USP15: variants seen among roughly 807,000 people sequenced by gnomAD.
USP15 encodes ubiquitin specific peptidase 15, also known as ubiquitin carboxyl-terminal hydrolase 15.
USP15 carries 18 observed loss-of-function variants against 127.1 expected under a neutral mutation model. The ratio of observed to expected loss-of-function variants is 0.14; its 90% CI spans 0.10 to 0.21. The LOEUF (loss-of-function observed/expected upper bound fraction) is 0.21. Among genes scored for constraint, USP15 ranks in the 10% least tolerant of loss-of-function variants. The pLI is 1.00. For synonymous variants in USP15, 364 were observed against 393.7 expected (o/e 0.92, Z 0.89); for missense variants, 805 against 1,159.9 (o/e 0.69, Z 4.44).
At chr12:62,399,511 C>T (rs1202637028) in intron 20 of USP15, among the ~76,000 whole-genome samples, 1 of 152,132 alleles carries the variant, frequency 6.6e-6, no homozygotes, top group African/African-American at 2.4e-5. Context: ...GAAATTTAAA[C>T]GCTTTCTTCT....
rs2137721861 is a variant in USP15 at position 62,413,744 on chromosome 12, A to G, written c.*9369A>G. The stretch of plus-strand genomic sequence containing the variant: ...AAAAAAAAAAACTCAGGCTTTCTCT[A>G]TACCACTTTTCTTATGATTCATGTG... On this transcript the variant is annotated 3_prime_UTR_variant, in exon 22 of 22. Transcript: ENST00000280377. The G allele has an allele frequency of 6.6e-6, 1 of 151,978 alleles. No homozygotes were observed. Among genetic ancestry groups the G allele is most frequent in the East Asian group, 1.9e-4 (1 of 5,170 alleles). The allele number at this position is 151,978 out of a possible 1,614,324, so 9.4% of individuals were successfully genotyped here. A position where few individuals can be genotyped will look rare whatever the true frequency, so the allele number is the denominator to read the frequency against.
chr12:62,360,980 A>G (rs1191919068), intron 8 of USP15, among the ~76,000 whole-genome samples: 1 of 152,094 alleles, frequency 6.6e-6, no homozygotes, highest in Non-Finnish European at 1.5e-5. Flanking sequence ...AAAAATGTAA[A>G]CAACCTTACT....
At chr12:62,275,977 TGA>T (rs143574272) in intron 1 of USP15, among the ~76,000 whole-genome samples, 14,303 of 152,136 alleles carry the variant, frequency 0.094, 821 homozygotes, top group Non-Finnish European at 0.14. Flanking sequence ...TTGAAGGACT[TGA>T]GAGATTGAAA....
Position 62,389,653 on chromosome 12 carries a change from A to T in USP15, c.1606A>T (p.Met536Leu), listed in dbSNP as rs759746285. 2.5e-6 allele frequency: 4 copies of T among 1,613,358 alleles called. No homozygotes were observed. In the African/African-American group the frequency reaches 4.0e-5, roughly 16 times the overall value. Residue 536 changes from methionine to leucine, a missense_variant, in exon 13 of 22, where the codon ATG (methionine) becomes TTG (leucine). Physicochemically the swap from Met to Leu is conservative, Grantham distance 15. Transcript: ENST00000280377. ...YNHRFHRIFA[M>L]DENLSSIMER... ...TCATAGATTTCACAGAATATTCGCT[A>T]TGGATGAAAACCTTAGTAGTATTAT...
At chr12:62,304,780 A>G in intron 3 of USP15, 1 of 435,526 alleles carries the variant, frequency 2.3e-6, no homozygotes, top group Non-Finnish European at 4.6e-6. Context: ...ACCCATAAGA[A>G]ACCCAGGTAA....
At chr12:62,275,397 C>T (rs11174409) in intron 1 of USP15, among the ~76,000 whole-genome samples, 33,791 of 150,450 alleles carry the variant, frequency 0.22, 4,117 homozygotes, top group African/African-American at 0.34. Flanking sequence ...TATCACCCCC[C>T]CACCCAAAAA....
chr12:62,286,678 C>T (rs1022247701), intron 1 of USP15, among the ~76,000 whole-genome samples: 2 of 152,124 alleles, frequency 1.3e-5, no homozygotes, highest in African/African-American at 4.8e-5. Context: ...TGGCTCATGC[C>T]TGTAATCCCA....
At chr12:62,378,537 G>T (rs2066901098) in intron 8 of USP15, among the ~76,000 whole-genome samples, 1 of 152,094 alleles carries the variant, frequency 6.6e-6, no homozygotes, top group African/African-American at 2.4e-5. Context: ...AAAATGATTT[G>T]TGTTTTGTTG....
At chr12:62,367,519 C>G (rs985112387) in intron 8 of USP15, among the ~76,000 whole-genome samples, 1 of 152,246 alleles carries the variant, frequency 6.6e-6, no homozygotes, top group Admixed American at 6.5e-5. Context: ...TGGGCCTATT[C>G]AGGGATTTGA....
chr12:62,394,038 C>T (rs746969332), intron 19 of USP15, among the ~76,000 whole-genome samples: 1 of 152,176 alleles, frequency 6.6e-6, no homozygotes, highest in Non-Finnish European at 1.5e-5. Flanking sequence ...ATATCTATGG[C>T]CATACCACCT....
At position 62,414,432 on chromosome 12, in the gene USP15, C is replaced by G. The variant is rs2068108314; in HGVS notation, c.*10057C>G. 6.6e-6 allele frequency: 1 copy of G among 152,392 alleles called. No homozygotes were observed. Among genetic ancestry groups the G allele is most frequent in the South Asian group, 2.1e-4 (1 of 4,832 alleles). The allele number at this position is 152,392 out of a possible 1,614,324, so 9.4% of individuals were successfully genotyped here. ...CTCATCTCACTGCAGCCTCCAGCCT[C>G]TGGGCTCAAGTGGTCCTCCCACCTC... On this transcript the variant is annotated 3_prime_UTR_variant, in exon 22 of 22. Coordinates refer to ENST00000280377, the MANE Select transcript of USP15 (RefSeq NM_001252078.2).
chr12:62,262,193 C>T (rs1002383953), intron 1 of USP15, among the ~76,000 whole-genome samples: 3 of 151,880 alleles, frequency 2.0e-5, no homozygotes, highest in East Asian at 3.9e-4. Flanking sequence ...AGCCGAGATC[C>T]GGCCACTGCA....
At chr12:62,392,953 G>T in intron 18 of USP15, 100 bp from the exon 19 acceptor site, 1 of 1,365,386 alleles carries the variant, frequency 7.3e-7, no homozygotes, top group Non-Finnish European at 1.0e-6. Context: ...ATTGCCCACT[G>T]AATAAATGTA....
At chr12:62,349,100 C>A in intron 6 of USP15, 121 bp from the exon 7 acceptor site, 1 of 532,222 alleles carries the variant, frequency 1.9e-6, no homozygotes, top group African/African-American at 2.0e-5. Context: ...AGTGATTTTG[C>A]TCATAAATCT....
intron 1 of USP15, among the ~76,000 whole-genome samples, chr12:62,267,427 A>G (rs975582550): frequency 1.3e-5 from 2 of 152,168 alleles, no homozygotes; most frequent in Admixed American, 1.3e-4. Context: ...CAATTATAAT[A>G]TAAAACAGAA....
rs115811405 is a variant in USP15, at chr12:62,410,224, C to G, written c.*5849C>G. On this transcript the variant is annotated 3_prime_UTR_variant, in exon 22 of 22. Coordinates refer to ENST00000280377, the MANE Select transcript of USP15 (RefSeq NM_001252078.2). Reference sequence around the variant, plus strand: ...GTTTAACTCATTTCCCCAAAAAGACCGCGACCTCCAGCCAGTCATTCAGTT... The same window carrying G: ...GTTTAACTCATTTCCCCAAAAAGACGGCGACCTCCAGCCAGTCATTCAGTT... The G allele has an allele frequency of 6.6e-6, 1 of 151,946 alleles. No individual in the cohort carries two copies. Among genetic ancestry groups the G allele is most frequent in the Non-Finnish European group, 1.5e-5 (1 of 67,976 alleles). The allele number at this position is 151,946 out of a possible 1,614,324, so 9.4% of individuals were successfully genotyped here.
rs367822862 is a variant in USP15, at chr12:62,300,247, A to G, written c.218-2543A>G. On this transcript the variant is annotated intron_variant, in intron 2 of 21. Transcript: ENST00000280377. ...TTGCAAAGATTTATGTAAGATTTAT[A>G]CTTACATTTTCTTTTACGAGTTTTA... is the stretch of plus-strand genomic sequence containing the variant. Among the ~76,000 whole-genome samples the G allele has an allele frequency of 2.3e-4, 35 of 152,200 alleles. No individual in the cohort carries two copies. In the East Asian group the frequency reaches 6.4e-3, roughly 28 times the overall value.
At chr12:62,347,564 G>GT (rs952750946) in intron 6 of USP15, among the ~76,000 whole-genome samples, 18 of 151,792 alleles carry the variant, frequency 1.2e-4, no homozygotes, top group African/African-American at 4.4e-4. Context: ...CAATTTAGAC[G>GT]TTTTTTCCTA....
intron 6 of USP15, among the ~76,000 whole-genome samples, chr12:62,345,415 A>G (rs2065785303): frequency 6.6e-6 from 1 of 152,172 alleles, no homozygotes; most frequent in Non-Finnish European, 1.5e-5. Context: ...CAGTGTCAGC[A>G]TTTTGGTCAA....
Sources: gnomAD v4.1 joint callset for allele counts (sites outside exome capture counted in the v4.1 genomes callset) on GRCh38, gnomAD v4.1.1 for gene constraint, MANE v1.5 for transcripts, NCBI Gene and HGNC (gene_info 2026-07-23, HGNC 2026-07-21) for gene names.